Variants in MRPS28 observed in about 807,000 individuals in gnomAD.
MRPS28 encodes mitochondrial ribosomal protein S28, also known as small ribosomal subunit protein bS1m.
In MRPS28, 7 loss-of-function variants were observed where a neutral mutation model predicts 10.8. That is an observed-to-expected ratio of 0.65 (90% CI 0.37 to 1.22). MRPS28 has a LOEUF of 1.22. Ranked by LOEUF, MRPS28 falls within the 50% of genes most tolerant of loss-of-function variation. The pLI is 0.02. For missense variants in MRPS28, 265 were observed against 232.9 expected, an observed-to-expected ratio of 1.14 and a Z score of -0.90; for synonymous variants, 121 against 93.3, an observed-to-expected ratio of 1.30 and a Z score of -1.71.
rs574630089 is a variant in MRPS28, at chr8:79,923,372, T to TA, written c.396-4225_396-4224insT. On this transcript the variant is annotated intron_variant, in intron 2 of 2. Coordinates refer to ENST00000276585, the MANE Select transcript of MRPS28 (RefSeq NM_014018.3). ...TAATCCCTTTAGGAGTGGTAAGAATTTATCACTCCATAGAGTCTTATAATG... is the reference window on the plus strand; with the variant it reads ...TAATCCCTTTAGGAGTGGTAAGAATTATATCACTCCATAGAGTCTTATAATG... 6.0e-4 allele frequency among the ~76,000 whole-genome samples: 92 copies of TA among 152,272 alleles called. 1 individual carries two copies. Among genetic ancestry groups the TA allele is most frequent in the African/African-American group, 2.2e-3 (92 of 41,570 alleles).
At chr8:79,994,620 TC>T (rs1808453721) in intron 2 of MRPS28, among the ~76,000 whole-genome samples, 1 of 152,246 alleles carries the variant, frequency 6.6e-6, no homozygotes, top group African/African-American at 2.4e-5. Flanking sequence ...ATCATTTTTT[TC>T]AGCAGCTTCC....
intron 2 of MRPS28, among the ~76,000 whole-genome samples, chr8:79,988,145 C>T (rs1478227615): frequency 2.0e-5 from 3 of 151,284 alleles, no homozygotes; most frequent in Non-Finnish European, 2.9e-5. Flanking sequence ...AACTGGAAAT[C>T]ATCATTCTCA....
At chr8:79,919,829 G>T (rs922338451) in intron 2 of MRPS28, among the ~76,000 whole-genome samples, 1 of 152,074 alleles carries the variant, frequency 6.6e-6, no homozygotes, top group Non-Finnish European at 1.5e-5. Context: ...TTAAGTTTTA[G>T]GGTACATGTG....
At chr8:80,007,410 A>C (rs987312841) in intron 1 of MRPS28, among the ~76,000 whole-genome samples, 1 of 152,230 alleles carries the variant, frequency 6.6e-6, no homozygotes, top group Non-Finnish European at 1.5e-5. Flanking sequence ...CAGTGTTGGA[A>C]GTTCTAGCCA....
chr8:80,006,552 G>T (rs1051805346), intron 1 of MRPS28, among the ~76,000 whole-genome samples: 3 of 151,928 alleles, frequency 2.0e-5, no homozygotes, highest in Non-Finnish European at 4.4e-5. Flanking sequence ...AAAGAGAGAA[G>T]AATCACATAG....
chr8:79,946,022 C>G (rs1292526173), intron 2 of MRPS28, among the ~76,000 whole-genome samples: 1 of 151,700 alleles, frequency 6.6e-6, no homozygotes, highest in Non-Finnish European at 1.5e-5. Context: ...GGGACCAATC[C>G]AAAAAAAACT....
chr8:80,012,712 G>GC (rs775947950), intron 1 of MRPS28, among the ~76,000 whole-genome samples: 16 of 152,210 alleles, frequency 1.1e-4, no homozygotes, highest in Non-Finnish European at 2.2e-4. Context: ...CCTGAAAGTT[G>GC]ACAGGACCGT....
intron 1 of MRPS28, among the ~76,000 whole-genome samples, chr8:80,006,769 G>A (rs1463781080): frequency 6.6e-6 from 1 of 152,170 alleles, no homozygotes; most frequent in Non-Finnish European, 1.5e-5. Context: ...TGAAATTGAG[G>A]CAATAATTAA....
chr8:80,006,649 G>A (rs1360752508), intron 1 of MRPS28, among the ~76,000 whole-genome samples: 2 of 151,920 alleles, frequency 1.3e-5, no homozygotes, highest in East Asian at 1.9e-4. Context: ...ACACCTCTAC[G>A]CAAATAAACT....
In MRPS28 at chr8:80,030,030, C is replaced by T; in HGVS notation, c.213+6G>A. 1 of 1,612,188 alleles carries T rather than the reference C, an allele frequency of 6.2e-7. No homozygotes were observed. Among genetic ancestry groups the T allele is most frequent in the Non-Finnish European group, 8.5e-7 (1 of 1,179,110 alleles). ...CGCGACTCCCTCTCACCCGCCCGGG[C>T]TCCACCTTCTGTAGGGGCTCCACCT... On this transcript the variant is annotated splice_donor_region_variant and intron_variant, in intron 1 of 2. Coordinates refer to ENST00000276585, the MANE Select transcript of MRPS28 (RefSeq NM_014018.3).
intron 2 of MRPS28, among the ~76,000 whole-genome samples, chr8:79,992,514 C>G (rs925602949): frequency 6.6e-6 from 1 of 152,154 alleles, no homozygotes; most frequent in African/African-American, 2.4e-5. Flanking sequence ...GATGCTTGAC[C>G]ACATCATTCA....
At chr8:80,025,459 C>T (rs1375224548) in intron 1 of MRPS28, among the ~76,000 whole-genome samples, 1 of 151,964 alleles carries the variant, frequency 6.6e-6, no homozygotes, top group Non-Finnish European at 1.5e-5. Context: ...TGTAAGTACG[C>T]AAAAAATGCA....
chr8:79,961,472 A>G (rs1011956211), intron 2 of MRPS28, among the ~76,000 whole-genome samples: 1 of 152,168 alleles, frequency 6.6e-6, no homozygotes, highest in African/African-American at 2.4e-5. Context: ...TTTTATCCCA[A>G]TAACTTTTCT....
At chr8:80,002,142 T>TTCTCATAATTGC (rs1351576383) in intron 2 of MRPS28, among the ~76,000 whole-genome samples, 20 of 152,194 alleles carry the variant, frequency 1.3e-4, no homozygotes, top group African/African-American at 3.4e-4. Flanking sequence ...AGGCAACTCG[T>TTCTCATAATTGC]TCTCATAATT....
chr8:79,938,791 A>G (rs189948406), intron 2 of MRPS28, among the ~76,000 whole-genome samples: 4 of 152,322 alleles, frequency 2.6e-5, no homozygotes, highest in Admixed American at 2.0e-4. Flanking sequence ...TTTCTAGAGA[A>G]GTTGGACTAT....
intron 2 of MRPS28, among the ~76,000 whole-genome samples, chr8:79,935,013 A>G (rs1184370184): frequency 1.3e-5 from 2 of 152,248 alleles, no homozygotes; most frequent in East Asian, 1.9e-4. Context: ...GACAGGCTCC[A>G]TGACCACAAA....
chr8:79,994,404 A>G (rs1808445405), intron 2 of MRPS28, among the ~76,000 whole-genome samples: 1 of 152,104 alleles, frequency 6.6e-6, no homozygotes, highest in African/African-American at 2.4e-5. Context: ...AAAGCAGGCA[A>G]TAATATCAAT....
chr8:80,021,331 C>T (rs1472993011), intron 1 of MRPS28, among the ~76,000 whole-genome samples: 1 of 152,120 alleles, frequency 6.6e-6, no homozygotes, highest in Non-Finnish European at 1.5e-5. Context: ...AATACTGGAA[C>T]ATCTGCTCAA....
chr8:79,954,695 A>G (rs1807160515), intron 2 of MRPS28, among the ~76,000 whole-genome samples: 2 of 152,208 alleles, frequency 1.3e-5, no homozygotes, highest in Non-Finnish European at 2.9e-5. Flanking sequence ...CCTCCACTGC[A>G]ATTCTCTTGA....
Sources: gnomAD v4.1 joint callset for allele counts (sites outside exome capture counted in the v4.1 genomes callset) on GRCh38, gnomAD v4.1.1 for gene constraint, MANE v1.5 for transcripts, NCBI Gene and HGNC (gene_info 2026-07-23, HGNC 2026-07-21) for gene names.